The following CEP72 variants were observed in gnomAD, a reference collection of about 807,000 sequenced individuals.
The protein encoded by CEP72 is centrosomal protein of 72 kDa.
A neutral mutation model predicts 65.7 loss-of-function variants in CEP72; 78 were observed. The ratio of observed to expected loss-of-function variants is 1.19; its 90% CI spans 0.99 to 1.43. CEP72 has a LOEUF of 1.43. Among genes scored for constraint, CEP72 ranks in the 40% most tolerant of loss-of-function variants. CEP72 has a pLI of 0.00. For missense variants in CEP72, 914 were observed against 832.9 expected, an observed-to-expected ratio of 1.10 and a Z score of -1.20; for synonymous variants, 358 against 351.7, an observed-to-expected ratio of 1.02 and a Z score of -0.20.
chr5:656,207 C>T (rs1040303825), downstream of CEP72, among the ~76,000 whole-genome samples: 4 of 152,190 alleles, frequency 2.6e-5, no homozygotes, highest in Non-Finnish European at 1.5e-5. Context: ...GTTTCTGCAT[C>T]TCCTTGTCTG....
In CEP72 at chr5:624,710, G is replaced by A; in HGVS notation, c.512+131G>A. 1.4e-6 allele frequency: 1 copy of A among 701,434 alleles called. No homozygotes were observed. Among genetic ancestry groups the A allele is most frequent in the South Asian group, 1.6e-5 (1 of 61,132 alleles). The allele number at this position is 701,434 out of a possible 1,614,324, so 43.5% of individuals were successfully genotyped here. On this transcript the variant is annotated intron_variant, in intron 4 of 11. Transcript: ENST00000264935. This position sits in a 1 kb window ranked among gnomAD's most constrained non-coding sequence, Gnocchi z 4.7. ...GACACCAGGAGGGAGGAAGGGCAGA[G>A]CCTGCCTGGCGGGGACTCCGTGGAC...
At chr5:617,549 C>T (rs772643231) in intron 1 of CEP72, among the ~76,000 whole-genome samples, 16 of 152,220 alleles carry the variant, frequency 1.1e-4, no homozygotes, top group Admixed American at 2.0e-4. Flanking sequence ...CCAAAGGTCA[C>T]TGCACCTTGT....
At chr5:646,145 G>A (rs1305389511) in intron 10 of CEP72, among the ~76,000 whole-genome samples, 5 of 152,196 alleles carry the variant, frequency 3.3e-5, no homozygotes, top group South Asian at 2.1e-4. Context: ...GCTTTGCTTC[G>A]TGGCTGTTTC....
the CEP72 span, among the ~76,000 whole-genome samples, chr5:673,412 G>A: frequency 8.5e-5 from 13 of 152,062 alleles, no homozygotes; most frequent in Non-Finnish European, 1.5e-5. Context: ...GGAGGTGGGG[G>A]CAGCCCTGGG....
chr5:675,402 C>T, the CEP72 span, among the ~76,000 whole-genome samples: 1 of 97,216 alleles, frequency 1.0e-5, no homozygotes, highest in Non-Finnish European at 2.0e-5. Context: ...TGCAGTGTGG[C>T]CAGGGGTGCA....
Position 639,133 on chromosome 5 carries a change from C to G in CEP72, c.1251C>G (p.Ala417=). ...CGGCTCTACCCGGGAAGAAGACGGCCCTGCAGGCGGCGCTCCTGGAGACGC... is the reference window on the plus strand; with the variant it reads ...CGGCTCTACCCGGGAAGAAGACGGCGCTGCAGGCGGCGCTCCTGGAGACGC... ...SHSALPGKKT[A]LQAALLETLL... is the part of the protein sequence containing the mutation. The change falls in exon 8 of 12, where the codon GCC becomes GCG. Residue 417 remains alanine, a synonymous_variant. Transcript: ENST00000264935. 3 of 1,613,214 alleles carry G rather than the reference C, an allele frequency of 1.9e-6. No homozygotes were observed. The highest frequency in any genetic ancestry group is 2.5e-6 in the Non-Finnish European group (3 of 1,179,790).
chr5:643,798 T>A (rs1274523941), intron 9 of CEP72: 1 of 275,952 alleles, frequency 3.6e-6, no homozygotes, highest in Non-Finnish European at 5.5e-6. Context: ...CCCTTTCCCC[T>A]CCTCGATGAC....
rs140180635 is a variant in CEP72 at position 666,573 on chromosome 5, G to A, written n.593-291G>A. On this transcript the variant is annotated intron_variant and non_coding_transcript_variant, in intron 4 of 4. Coordinates refer to the CEP72 transcript ENST00000514507. ...ATGGTTAGGAGGGGCTGCCGCCCCC[G>A]GACACTTGGCAGCATGGGCGCAGGC... 4.9e-3 allele frequency among the ~76,000 whole-genome samples: 751 copies of A among 152,298 alleles called. 6 individuals are homozygous for A. Among genetic ancestry groups the A allele is most frequent in the Non-Finnish European group, 8.4e-3 (574 of 68,018 alleles).
the CEP72 span, among the ~76,000 whole-genome samples, chr5:674,082 C>G: frequency 2.8e-3 from 430 of 152,370 alleles, 1 homozygote; most frequent in Non-Finnish European, 3.8e-3. Flanking sequence ...GCCGGCCCTG[C>G]AGGGCTGACG....
chr5:671,736 G>A (rs920457975), downstream of CEP72, among the ~76,000 whole-genome samples: 1 of 152,208 alleles, frequency 6.6e-6, no homozygotes, highest in Non-Finnish European at 1.5e-5. Flanking sequence ...CGGAAGCCAC[G>A]TTCATCCTGC....
intron 7 of CEP72, 72 bp from the exon 8 acceptor site, chr5:639,017 G>T (rs894866891): frequency 1.9e-6 from 3 of 1,593,558 alleles, no homozygotes; most frequent in South Asian, 2.2e-5. Context: ...CCCAGGGTGC[G>T]CTTGGGCACC....
chr5:676,136 G>T, the CEP72 span: 1 of 152,246 alleles, frequency 6.6e-6, no homozygotes, highest in African/African-American at 2.4e-5. Flanking sequence ...GAGGGTCCGG[G>T]TTCAGGCATC....
intron 4 of CEP72, chr5:666,153 G>A: frequency 6.2e-7 from 1 of 1,601,916 alleles, no homozygotes; most frequent in Non-Finnish European, 8.5e-7. Flanking sequence ...TTAGGGCTGG[G>A]CGCGGGCCGG....
chr5:624,688 AC>A lies in CEP72; in HGVS notation c.512+111del. The A allele has an allele frequency of 1.2e-6, 1 of 805,200 alleles. No homozygotes were observed. Among genetic ancestry groups the A allele is most frequent in the Non-Finnish European group, 2.1e-6 (1 of 470,180 alleles). The allele number at this position is 805,200 out of a possible 1,614,324, so 49.9% of individuals were successfully genotyped here. A position where few individuals can be genotyped will look rare whatever the true frequency, so the allele number is the denominator to read the frequency against. On this transcript the variant is annotated intron_variant, in intron 4 of 11. Transcript: ENST00000264935. This position sits in a 1 kb window ranked among gnomAD's most constrained non-coding sequence, Gnocchi z 4.7. The stretch of plus-strand genomic sequence containing the variant: ...TGCCGGTCACTCTCCAGGGGCGGAC[AC>A]CAGGAGGGAGGAAGGGCAGAGCCTG...
At chr5:658,290 C>T (rs111975723), downstream of CEP72, among the ~76,000 whole-genome samples, 2,964 of 152,330 alleles carry the variant, frequency 0.019, 40 homozygotes, top group Non-Finnish European at 0.026. Flanking sequence ...GGGCCTAATG[C>T]GAACCACAGG....
intron 4 of CEP72, among the ~76,000 whole-genome samples, chr5:631,702 T>G (rs1446860569): frequency 1.5e-5 from 1 of 68,426 alleles, no homozygotes; most frequent in South Asian, 6.1e-4. Context: ...CTGGTGGGGT[T>G]CTGTCCAGTG....
At chr5:669,469 T>C (rs546571679), downstream of CEP72, among the ~76,000 whole-genome samples, 1 of 152,220 alleles carries the variant, frequency 6.6e-6, no homozygotes, top group South Asian at 2.1e-4. Flanking sequence ...GTGGGGGTGT[T>C]GACTCTCTGG....
At chr5:628,904 C>T (rs752873677) in intron 4 of CEP72, among the ~76,000 whole-genome samples, 747 of 73,956 alleles carry the variant, frequency 0.01, 29 homozygotes, top group African/African-American at 0.026. Context: ...TGGGGAGTGG[C>T]CCCAGGACCC....
intron 1 of CEP72, among the ~76,000 whole-genome samples, chr5:615,417 CCA>C (rs1213317443): frequency 6.6e-6 from 1 of 152,172 alleles, no homozygotes; most frequent in Non-Finnish European, 1.5e-5. Context: ...CAAGTGTGAG[CCA>C]CGGTGCCTGG....
Sources: allele counts gnomAD v4.1 joint callset (sites outside exome capture counted in the v4.1 genomes callset), GRCh38; gene constraint gnomAD v4.1.1; non-coding constraint Gnocchi (gnomAD v3.1); transcripts MANE v1.5; gene names NCBI Gene and HGNC (gene_info 2026-07-23, HGNC 2026-07-21).